Variants in DCUN1D4 observed in about 807,000 individuals in gnomAD.
The protein encoded by DCUN1D4 is DCN1-like protein 4.
Under a neutral mutation model 47.9 loss-of-function variants are expected in DCUN1D4, and 22 were observed. The observed-to-expected ratio is 0.46, with a 90% CI of 0.33 to 0.66. The LOEUF is 0.66. DCUN1D4 is among the 30% of genes least tolerant of loss of function. The probability of loss-of-function intolerance (pLI) is 0.02; values close to 1 mark genes in which losing one functional copy is unlikely to be tolerated. For missense variants in DCUN1D4, 301 were observed against 340.8 expected (o/e 0.88, Z 0.92); for synonymous variants, 121 against 112.2 (o/e 1.08, Z -0.50).
chr4:51,844,834 C>T, intron 1 of DCUN1D4: 1 of 985,328 alleles, frequency 1.0e-6, no homozygotes, highest in Non-Finnish European at 1.2e-6. Flanking sequence ...ACGTGGGTAA[C>T]TGTGGAAACG....
intron 6 of DCUN1D4, among the ~76,000 whole-genome samples, chr4:51,890,258 G>GC (rs761140660): frequency 1.3e-4 from 20 of 152,030 alleles, no homozygotes; most frequent in Non-Finnish European, 2.2e-4. Context: ...ATGATTTCTT[G>GC]CCTCATGTTT....
intron 1 of DCUN1D4, among the ~76,000 whole-genome samples, chr4:51,858,746 T>A (rs1560460884): frequency 6.6e-6 from 1 of 152,262 alleles, no homozygotes; most frequent in Non-Finnish European, 1.5e-5. Flanking sequence ...TACCAGGTCT[T>A]GGCAAACAAT....
intron 7 of DCUN1D4, among the ~76,000 whole-genome samples, chr4:51,897,992 G>T (rs1283103898): frequency 6.6e-6 from 1 of 152,208 alleles, no homozygotes; most frequent in Non-Finnish European, 1.5e-5. Flanking sequence ...ACCATCTTGG[G>T]TATTCAGATG....
At chr4:51,876,094 A>G (rs1334383061) in intron 4 of DCUN1D4, among the ~76,000 whole-genome samples, 2 of 152,188 alleles carry the variant, frequency 1.3e-5, no homozygotes, top group Admixed American at 6.5e-5. Context: ...CCCAGAAACT[A>G]ATCAGAGGCA....
At chr4:51,834,099 C>CTTTTTTTTTTTTTTTTTTTTTT in the DCUN1D4 span, among the ~76,000 whole-genome samples, 3 of 40,828 alleles carry the variant, frequency 7.3e-5, 1 homozygote, top group African/African-American at 2.6e-4. Context: ...TTCTTTTCTT[C>CTTTTTTTTTTTTTTTTTTTTTT]TTTCTTTTTT....
In DCUN1D4 at chr4:51,877,789, G is replaced by A; in HGVS notation, c.278G>A (p.Arg93Lys). The A allele has an allele frequency of 6.2e-7, 1 of 1,611,478 alleles. No homozygotes were observed. The highest frequency in any genetic ancestry group is 2.2e-5 in the East Asian group (1 of 44,778). Residue 93 changes from arginine to lysine, a missense_variant, in exon 5 of 11, where the codon AGA (arginine) becomes AAA (lysine). Arg to Lys is a conservative substitution (Grantham distance 26). Around this residue, in one of 2 missense-constraint regions of DCUN1D4, gnomAD observed 170 missense variants for 234.5 expected, o/e 0.73. Coordinates refer to ENST00000334635, the MANE Select transcript of DCUN1D4 (RefSeq NM_001040402.3). Reference protein sequence around the residue: ...DSMYRKYDSTRIKTEEEAFSS... With the variant: ...DSMYRKYDSTKIKTEEEAFSS... ...ATGTATAGAAAATATGATTCGACTA[G>A]AATAAAGACTGAAGAAGAAGCCTTT...
At chr4:51,849,008 G>A (rs1176051872) in intron 1 of DCUN1D4, among the ~76,000 whole-genome samples, 1 of 152,132 alleles carries the variant, frequency 6.6e-6, no homozygotes, top group Non-Finnish European at 1.5e-5. Flanking sequence ...GAGACGGGGA[G>A]TAATCCATTT....
At chr4:51,888,452 T>C (rs1453882461) in intron 6 of DCUN1D4, among the ~76,000 whole-genome samples, 5 of 152,164 alleles carry the variant, frequency 3.3e-5, no homozygotes, top group African/African-American at 1.2e-4. Flanking sequence ...TTTAGAACTC[T>C]ATTTCTGGCC....
intron 5 of DCUN1D4, among the ~76,000 whole-genome samples, chr4:51,879,020 T>C (rs1728121212): frequency 6.6e-6 from 1 of 152,216 alleles, no homozygotes; most frequent in Admixed American, 6.5e-5. Context: ...GTTTTCAGAT[T>C]GAAGCTGGGA....
intron 1 of DCUN1D4, chr4:51,843,687 A>G (rs1416189696): frequency 4.9e-6 from 6 of 1,232,980 alleles, no homozygotes; most frequent in African/African-American, 1.7e-5. Context: ...AGCGGGGCAC[A>G]AGGGTGAGGA....
intron 8 of DCUN1D4, among the ~76,000 whole-genome samples, chr4:51,902,539 C>T (rs28767179): frequency 0.41 from 62,974 of 152,046 alleles, 15,663 homozygotes; most frequent in African/African-American, 0.7. Context: ...AAGTCTACTT[C>T]GTCCAATACA....
intron 8 of DCUN1D4, chr4:51,905,083 A>T: frequency 2.6e-6 from 1 of 388,860 alleles, no homozygotes; most frequent in Non-Finnish European, 5.4e-6. Context: ...GGGGCTGATC[A>T]TTTCTTTCTT....
intron 3 of DCUN1D4, among the ~76,000 whole-genome samples, chr4:51,863,959 GTTTTCTCT>G: frequency 6.6e-6 from 1 of 152,030 alleles, no homozygotes; most frequent in African/African-American, 2.4e-5. Context: ...AAGATACCTT[GTTTTCTCT>G]ACTGCAGTAT....
chr4:51,882,993 T>C (rs1247284838), intron 5 of DCUN1D4, among the ~76,000 whole-genome samples: 2 of 152,208 alleles, frequency 1.3e-5, no homozygotes, highest in Non-Finnish European at 2.9e-5. Context: ...TATTTCCTTA[T>C]CAGAATATTC....
intron 1 of DCUN1D4, among the ~76,000 whole-genome samples, chr4:51,850,048 C>G (rs1226635840): frequency 6.6e-6 from 1 of 151,912 alleles, no homozygotes; most frequent in Non-Finnish European, 1.5e-5. Context: ...CCCTTGTGTC[C>G]CCTTGTAGTC....
At chr4:51,874,208 T>C in intron 3 of DCUN1D4, 63 bp from the exon 4 acceptor site, 1 of 1,080,292 alleles carries the variant, frequency 9.3e-7, no homozygotes, top group Non-Finnish European at 1.4e-6. Flanking sequence ...GTACTGTTCT[T>C]TGGAAGTACA....
At chr4:51,851,852 C>A (rs1441787284) in intron 1 of DCUN1D4, among the ~76,000 whole-genome samples, 1 of 152,182 alleles carries the variant, frequency 6.6e-6, no homozygotes, top group Non-Finnish European at 1.5e-5. Context: ...AAGGTTAACT[C>A]CCCTTCTCAA....
At chr4:51,844,465 T>A in intron 1 of DCUN1D4, 1 of 953,950 alleles carries the variant, frequency 1.0e-6, no homozygotes, top group Non-Finnish European at 1.2e-6. Context: ...GCTGCGGGGT[T>A]TCAGCAGCGG....
chr4:51,899,267 T>G lies in DCUN1D4; in HGVS notation c.507-3T>G. On this transcript the variant is annotated splice_polypyrimidine_tract_variant and splice_region_variant and intron_variant, in intron 7 of 10. Transcript: ENST00000334635. ...ATAATTTGCCTTTATTCTGTTTTTC[T>G]AGATGTGATACAACAGAAAAACTCA... The G allele has an allele frequency of 6.3e-7, 1 of 1,591,870 alleles. No homozygotes were observed. The highest frequency in any genetic ancestry group is 8.5e-7 in the Non-Finnish European group (1 of 1,173,368).
Sources: gnomAD v4.1 joint callset for allele counts (sites outside exome capture counted in the v4.1 genomes callset) on GRCh38, gnomAD v4.1.1 for gene constraint, gnomAD v4.1.1 regional missense constraint, MANE v1.5 for transcripts, NCBI Gene and HGNC (gene_info 2026-07-23, HGNC 2026-07-21) for gene names.